CSRNP3: variants seen among roughly 807,000 people sequenced by gnomAD.
CSRNP3 encodes cysteine/serine-rich nuclear protein 3.
In CSRNP3, 12 loss-of-function variants were observed where a neutral mutation model predicts 48.0. That is an observed-to-expected ratio of 0.25 (90% CI 0.16 to 0.41). CSRNP3 has a LOEUF of 0.41. CSRNP3 is among the 10% of genes least tolerant of loss of function. CSRNP3 has a pLI of 1.00. For synonymous variants in CSRNP3, 263 were observed against 269.7 expected, an observed-to-expected ratio of 0.98 and a Z score of 0.24; for missense variants, 580 against 724.4, an observed-to-expected ratio of 0.80 and a Z score of 2.29.
At chr2:165,502,580 CT>C (rs992778743) in intron 2 of CSRNP3, among the ~76,000 whole-genome samples, 4 of 151,850 alleles carry the variant, frequency 2.6e-5, no homozygotes, top group African/African-American at 7.2e-5. Context: ...TTTAATTGCC[CT>C]CCAGAAGACT....
chr2:165,677,314 A>G (rs1687442916), intron 6 of CSRNP3, among the ~76,000 whole-genome samples: 1 of 152,222 alleles, frequency 6.6e-6, no homozygotes, highest in Non-Finnish European at 1.5e-5. Context: ...TGTGGTTGCC[A>G]CAGAGCCCAT....
intron 4 of CSRNP3, among the ~76,000 whole-genome samples, chr2:165,653,352 A>G (rs1200635930): frequency 2.0e-5 from 3 of 152,216 alleles, no homozygotes; most frequent in Non-Finnish European, 2.9e-5. Context: ...AAGTAAACAC[A>G]AACACATGTT....
At chr2:165,593,429 G>C (rs1378001632) in intron 3 of CSRNP3, among the ~76,000 whole-genome samples, 2 of 152,192 alleles carry the variant, frequency 1.3e-5, no homozygotes, top group African/African-American at 2.4e-5. Flanking sequence ...GGGAATTTCT[G>C]ATTTGTAGAT....
rs574791052 is a variant in CSRNP3 at position 165,686,150 on chromosome 2, A to C, written c.*6397A>C. On this transcript the variant is annotated 3_prime_UTR_variant, in exon 7 of 7. Transcript: ENST00000651982. The stretch of plus-strand genomic sequence containing the variant: ...GGGATTATCTTAAAAGGTATTTATT[A>C]ATGAGTATTTGGAAGAAAATTGACC... 1 of 152,010 alleles carries C rather than the reference A, an allele frequency of 6.6e-6. No homozygotes were observed. The highest frequency in any genetic ancestry group is 2.4e-5 in the African/African-American group (1 of 41,396). The allele number at this position is 152,010 out of a possible 1,614,324, so 9.4% of individuals were successfully genotyped here.
At chr2:165,658,136 C>T in intron 5 of CSRNP3, 116 bp downstream of exon 5, 1 of 1,168,550 alleles carries the variant, frequency 8.6e-7, no homozygotes, top group Non-Finnish European at 1.2e-6. Context: ...TAACAGACTG[C>T]TTGCTGACAT....
intron 4 of CSRNP3, among the ~76,000 whole-genome samples, chr2:165,595,851 C>T (rs1685800939): frequency 6.6e-6 from 1 of 152,138 alleles, no homozygotes; most frequent in African/African-American, 2.4e-5. Flanking sequence ...GGCTGGAGTG[C>T]AGTGGCATGA....
At chr2:165,493,678 C>T (rs750534451) in intron 1 of CSRNP3, among the ~76,000 whole-genome samples, 1 of 151,950 alleles carries the variant, frequency 6.6e-6, no homozygotes, top group Non-Finnish European at 1.5e-5. Context: ...ACAGCTTCAC[C>T]CTTTGGCCTG....
intron 2 of CSRNP3, among the ~76,000 whole-genome samples, chr2:165,511,212 T>C (rs1458473841): frequency 2.0e-5 from 3 of 152,184 alleles, no homozygotes; most frequent in South Asian, 2.1e-4. Context: ...TGAAGCCTAA[T>C]TGAGAGGAAT....
intron 3 of CSRNP3, among the ~76,000 whole-genome samples, chr2:165,519,118 A>G (rs1422772273): frequency 6.6e-6 from 1 of 152,100 alleles, no homozygotes; most frequent in African/African-American, 2.4e-5. Flanking sequence ...CCACACCCAA[A>G]TGATTTTTTT....
intron 4 of CSRNP3, among the ~76,000 whole-genome samples, chr2:165,623,417 G>A (rs762600020): frequency 3.3e-5 from 5 of 152,136 alleles, no homozygotes; most frequent in Non-Finnish European, 7.3e-5. Context: ...AATGATAAAC[G>A]TAATGCACTT....
intron 4 of CSRNP3, among the ~76,000 whole-genome samples, chr2:165,599,271 GAA>G (rs1439385925): frequency 7.0e-5 from 5 of 71,754 alleles, no homozygotes; most frequent in Non-Finnish European, 1.2e-4. Flanking sequence ...GAAAAAGAAA[GAA>G]AGAGAGAGAG....
At chr2:165,555,145 C>T (rs866574436) in intron 3 of CSRNP3, among the ~76,000 whole-genome samples, 1 of 152,124 alleles carries the variant, frequency 6.6e-6, no homozygotes, top group East Asian at 1.9e-4. Context: ...TTGCTTACCA[C>T]CCCCTCCAAC....
At chr2:165,534,269 C>T (rs1347118649) in intron 3 of CSRNP3, among the ~76,000 whole-genome samples, 1 of 151,922 alleles carries the variant, frequency 6.6e-6, no homozygotes, top group Non-Finnish European at 1.5e-5. Context: ...CTACTACTTC[C>T]CATTTTTTAC....
intron 6 of CSRNP3, 123 bp downstream of exon 6, chr2:165,676,731 A>G (rs1215632791): frequency 2.8e-6 from 2 of 713,934 alleles, no homozygotes; most frequent in African/African-American, 3.5e-5. Flanking sequence ...GCAAGGCAAG[A>G]CATGTAATTC....
intron 3 of CSRNP3, among the ~76,000 whole-genome samples, chr2:165,573,108 C>T (rs1225739005): frequency 6.6e-6 from 1 of 151,806 alleles, no homozygotes; most frequent in Non-Finnish European, 1.5e-5. Context: ...ATGTAAATAA[C>T]ACTATTAGAA....
chr2:165,679,068 A>G lies in CSRNP3; in HGVS notation c.1073A>G (p.Asp358Gly), dbSNP rs1687478821. 1 of 1,613,646 alleles carries G rather than the reference A, an allele frequency of 6.2e-7. No homozygotes were observed. Among genetic ancestry groups the G allele is most frequent in the African/African-American group, 1.3e-5 (1 of 74,856 alleles). ...AGCAGCTTTTGCAGCGGAGTCACAG[A>G]TTCTAGCACGCAAAGCTTGGCACCT... ...DGSSFCSGVT[D>G]SSTQSLAPSE... Residue 358 changes from aspartate (D) to glycine (G), a missense_variant, in exon 7 of 7, where the codon GAT (aspartate) becomes GGT (glycine). Asp to Gly is a moderately conservative substitution (Grantham distance 94). Around this residue, in one of 4 missense-constraint regions of CSRNP3, gnomAD observed 369 missense variants for 380.8 expected, o/e 0.97. Transcript: ENST00000651982.
At chr2:165,607,782 A>G (rs1287736528) in intron 4 of CSRNP3, among the ~76,000 whole-genome samples, 1 of 152,096 alleles carries the variant, frequency 6.6e-6, no homozygotes, top group Non-Finnish European at 1.5e-5. Flanking sequence ...CATTTGTTGT[A>G]ACGGAAAAAG....
At chr2:165,531,583 A>G (rs139412386) in intron 3 of CSRNP3, among the ~76,000 whole-genome samples, 1 of 152,278 alleles carries the variant, frequency 6.6e-6, no homozygotes, top group African/African-American at 2.4e-5. Context: ...AAGGACATGA[A>G]CTCATTATTT....
At chr2:165,526,710 A>G (rs1684736295) in intron 3 of CSRNP3, among the ~76,000 whole-genome samples, 1 of 152,222 alleles carries the variant, frequency 6.6e-6, no homozygotes, top group African/African-American at 2.4e-5. Flanking sequence ...ATACTTCATC[A>G]ATAAAGTAGG....
Sources: allele counts gnomAD v4.1 joint callset (sites outside exome capture counted in the v4.1 genomes callset), GRCh38; gene constraint gnomAD v4.1.1; regional missense constraint gnomAD v4.1.1; transcripts MANE v1.5; gene names NCBI Gene and HGNC (gene_info 2026-07-23, HGNC 2026-07-21).